Variants in CFAP46 observed in about 807,000 individuals in gnomAD.
CFAP46 encodes cilia- and flagella-associated protein 46.
CFAP46 carries 245 observed loss-of-function variants against 325.7 expected under a neutral mutation model. That is an observed-to-expected ratio of 0.75 (90% CI 0.68 to 0.84). The LOEUF (loss-of-function observed/expected upper bound fraction) is 0.84. Among genes scored for constraint, CFAP46 ranks in the 40% least tolerant of loss-of-function variants. The probability of loss-of-function intolerance (pLI) is 0.00; values close to 1 mark genes in which losing one functional copy is unlikely to be tolerated. For synonymous variants in CFAP46, 1,523 were observed against 1,495.9 expected, an observed-to-expected ratio of 1.02 and a Z score of -0.42; for missense variants, 3,346 against 3,543.0, an observed-to-expected ratio of 0.94 and a Z score of 1.41.
In CFAP46 at chr10:132,929,734, G is replaced by T. The variant is rs1458419854; in HGVS notation, c.937C>A (p.Leu313Ile). The change falls in exon 9 of 58, where the codon CTC becomes ATC. Residue 313 changes from leucine (L) to isoleucine (I), a missense_variant. Physicochemically the swap from Leu to Ile is conservative, Grantham distance 5. Coordinates refer to ENST00000368586, the MANE Select transcript of CFAP46 (RefSeq NM_001200049.3). ...CTTTCCATCTTCTTCAGGTCTGAGA[G>T]GCAGGCAGAGGAGATCTCCATGCAT... Reference protein sequence around the residue: ...LKCMEISSACLSDLKKMESKD... With the variant: ...LKCMEISSACISDLKKMESKD... 6.2e-7 allele frequency: 1 copy of T among 1,613,832 alleles called. No homozygotes were observed. Among genetic ancestry groups the T allele is most frequent in the Non-Finnish European group, 8.5e-7 (1 of 1,179,894 alleles).
rs911871805 is a variant in CFAP46 at position 132,924,808 on chromosome 10, C to T, written c.1144G>A (p.Val382Met). Residue 382 changes from valine to methionine, a missense_variant, in exon 11 of 58, where the codon GTG becomes ATG. Physicochemically the swap from Val to Met is conservative, Grantham distance 21. Coordinates refer to ENST00000368586, the MANE Select transcript of CFAP46 (RefSeq NM_001200049.3). ...VRLGDPRVIHVVCATQWNTCL... is the reference protein window; with the variant it reads ...VRLGDPRVIHMVCATQWNTCL... The stretch of plus-strand genomic sequence containing the variant: ...GTGTTCCACTGCGTGGCGCACACCA[C>T]GTGGATGACCCGGGGGTCGCCCAGG... 2.7e-5 allele frequency: 40 copies of T among 1,489,550 alleles called. No individual in the cohort carries two copies. Among genetic ancestry groups the T allele is most frequent in the Admixed American group, 9.7e-5 (4 of 41,122 alleles). The allele number at this position is 1,489,550 out of a possible 1,614,324, so 92.3% of individuals were successfully genotyped here. A position where few individuals can be genotyped will look rare whatever the true frequency, so the allele number is the denominator to read the frequency against.
At chr10:132,902,307 G>A (rs560346998) in intron 22 of CFAP46, among the ~76,000 whole-genome samples, 3 of 152,190 alleles carry the variant, frequency 2.0e-5, no homozygotes, top group Admixed American at 6.5e-5. Context: ...GGTCACAGAC[G>A]GGAAGCTCTG....
Position 132,811,095 on chromosome 10 carries a change from G to C in CFAP46, c.7502-64C>G, listed in dbSNP as rs1203781126. On this transcript the variant is annotated intron_variant, in intron 55 of 57. Coordinates refer to ENST00000368586, the MANE Select transcript of CFAP46 (RefSeq NM_001200049.3). ...GACATGGGGAGTGGGGATGGGGTGT[G>C]GGCAGGTGGGGCCTGTGCCCCAAGG... The C allele has an allele frequency of 4.3e-6, 6 of 1,391,996 alleles. No individual in the cohort carries two copies. In the East Asian group the frequency reaches 1.5e-4, roughly 35 times the overall value. 86.2% of individuals were successfully genotyped at this position (1,391,996 alleles called of 1,614,324 possible). A position where few individuals can be genotyped will look rare whatever the true frequency, so the allele number is the denominator to read the frequency against.
At position 132,828,984 on chromosome 10, in the gene CFAP46, G is replaced by A. The variant is rs181586705; in HGVS notation, c.7117+4374C>T. On this transcript the variant is annotated intron_variant, in intron 50 of 57. Coordinates refer to ENST00000368586, the MANE Select transcript of CFAP46 (RefSeq NM_001200049.3). The surrounding 1 kb of genome is among the most constrained non-coding windows in gnomAD (Gnocchi z 4.9). The stretch of plus-strand genomic sequence containing the variant: ...TGTATCAATACTGCACCCATGTGAC[G>A]GGGTCCTGACATCAGGTGGCGTGTG... Among the ~76,000 whole-genome samples, 88 of 151,826 alleles carry A rather than the reference G, an allele frequency of 5.8e-4. No homozygotes were observed. Among genetic ancestry groups the A allele is most frequent in the African/African-American group, 1.6e-3 (68 of 41,246 alleles).
chr10:132,867,301 G>A (rs1223663960), intron 34 of CFAP46, 74 bp downstream of exon 34: 16 of 1,507,644 alleles, frequency 1.1e-5, no homozygotes, highest in Non-Finnish European at 1.4e-5. Context: ...TGGCTCAGCT[G>A]CAGCCCTGCA....
At chr10:132,862,546 T>A (rs1451164409) in intron 35 of CFAP46, among the ~76,000 whole-genome samples, 1 of 151,344 alleles carries the variant, frequency 6.6e-6, no homozygotes, top group African/African-American at 2.4e-5. Context: ...ACAACAATAG[T>A]CACAACCCCC....
At position 132,919,854 on chromosome 10, in the gene CFAP46, C is replaced by T. The variant is rs752162404; in HGVS notation, c.1730+205G>A. Among the ~76,000 whole-genome samples, 9 of 152,142 alleles carry T rather than the reference C, an allele frequency of 5.9e-5. No homozygotes were observed. Among genetic ancestry groups the T allele is most frequent in the Non-Finnish European group, 1.2e-4 (8 of 68,008 alleles). ...CAGGGCAGCCGCACACCTCATAGGC[C>T]GTGGCTGTCATCACAGGCTGGGGGG... On this transcript the variant is annotated intron_variant, in intron 14 of 57. Transcript: ENST00000368586. This position sits in a 1 kb window ranked among gnomAD's most constrained non-coding sequence, Gnocchi z 9.7.
intron 55 of CFAP46, among the ~76,000 whole-genome samples, chr10:132,811,602 C>T (rs1340485133): frequency 6.6e-6 from 1 of 152,220 alleles, no homozygotes; most frequent in Non-Finnish European, 1.5e-5. Flanking sequence ...TGGGCGCTGC[C>T]CACTTCCACT....
At chr10:132,821,537 G>GT (rs1847828889) in intron 50 of CFAP46, among the ~76,000 whole-genome samples, 1 of 129,998 alleles carries the variant, frequency 7.7e-6, no homozygotes. Flanking sequence ...GATGTGTGCT[G>GT]ATGTGTGCTG....
chr10:132,885,822 G>T lies in CFAP46; in HGVS notation c.3442C>A (p.Leu1148Ile), dbSNP rs973283855. Reference sequence around the variant, plus strand: ...ACAGGCGGTGGGGGGAGCACTCACAGGCGGTGGGCCGTCCTTGGCAGCACC... The same window carrying T: ...ACAGGCGGTGGGGGGAGCACTCACATGCGGTGGGCCGTCCTTGGCAGCACC... The part of the protein sequence containing the change: ...VQVLPRTAHR[L>I]LIFKHMVIVK... Residue 1148 changes from leucine (L) to isoleucine (I), a missense_variant and splice_region_variant, in exon 26 of 58, where the codon CTC becomes ATC. By Grantham distance (5) the Leu-to-Ile change is conservative. Transcript: ENST00000368586. The T allele has an allele frequency of 1.2e-5, 18 of 1,512,354 alleles. No homozygotes were observed. Among genetic ancestry groups the T allele is most frequent in the Non-Finnish European group, 1.5e-5 (17 of 1,125,002 alleles). The allele number at this position is 1,512,354 out of a possible 1,614,324, so 93.7% of individuals were successfully genotyped here.
At chr10:132,882,876 G>T (rs1849069736) in intron 27 of CFAP46, among the ~76,000 whole-genome samples, 1 of 152,096 alleles carries the variant, frequency 6.6e-6, no homozygotes, top group South Asian at 2.1e-4. Context: ...GAGGGCCTTG[G>T]CCCTGATGGG....
chr10:132,866,187 G>T lies in CFAP46; in HGVS notation c.4744-16C>A. On this transcript the variant is annotated splice_polypyrimidine_tract_variant and intron_variant, in intron 34 of 57. Coordinates refer to ENST00000368586, the MANE Select transcript of CFAP46 (RefSeq NM_001200049.3). ...TCTTCAAAATCTGTAAGATACCGCAGCCCCAGGCGGCACGATCCTGACACT... is the reference window on the plus strand; with the variant it reads ...TCTTCAAAATCTGTAAGATACCGCATCCCCAGGCGGCACGATCCTGACACT... 6.7e-7 allele frequency: 1 copy of T among 1,499,308 alleles called. No homozygotes were observed. The highest frequency in any genetic ancestry group is 8.9e-7 in the Non-Finnish European group (1 of 1,120,300). 92.9% of individuals were successfully genotyped at this position (1,499,308 alleles called of 1,614,324 possible).
chr10:132,862,285 G>T (rs1387335637), intron 35 of CFAP46, among the ~76,000 whole-genome samples: 1 of 152,212 alleles, frequency 6.6e-6, no homozygotes, highest in African/African-American at 2.4e-5. Flanking sequence ...ACGGGGCCGG[G>T]CCCCTGCGGG....
At chr10:132,892,691 C>A (rs1037673717) in intron 24 of CFAP46, among the ~76,000 whole-genome samples, 1 of 152,188 alleles carries the variant, frequency 6.6e-6, no homozygotes. Flanking sequence ...CCTTTAAAAA[C>A]CCACTTGGAA....
chr10:132,899,150 G>A, intron 23 of CFAP46, 29 bp from the exon 24 acceptor site: 1 of 1,536,704 alleles, frequency 6.5e-7, no homozygotes, highest in Non-Finnish European at 8.8e-7. Context: ...TGACGCGGTG[G>A]CTCCACCTGG....
intron 50 of CFAP46, among the ~76,000 whole-genome samples, chr10:132,823,187 T>TGC (rs1847925941): frequency 9.0e-6 from 1 of 110,516 alleles, no homozygotes; most frequent in Admixed American, 1.0e-4. Flanking sequence ...GTGCGCTGTG[T>TGC]GCTGATGTGT....
intron 40 of CFAP46, among the ~76,000 whole-genome samples, chr10:132,850,683 T>C (rs1039306366): frequency 2.6e-5 from 4 of 152,232 alleles, no homozygotes; most frequent in African/African-American, 4.8e-5. Flanking sequence ...TTTATACTTA[T>C]GTAAATTAAT....
intron 5 of CFAP46, 110 bp downstream of exon 5, chr10:132,938,479 T>C (rs1051945067): frequency 1.9e-6 from 2 of 1,045,612 alleles, no homozygotes; most frequent in Admixed American, 2.1e-5. Context: ...ACATGGAGTG[T>C]GCCCCAGTGA....
chr10:132,837,361 GCAGA>G (rs1450905859), intron 44 of CFAP46, among the ~76,000 whole-genome samples: 1 of 151,884 alleles, frequency 6.6e-6, no homozygotes, highest in Non-Finnish European at 1.5e-5. Flanking sequence ...ACGCACTCAC[GCAGA>G]CAGGCACGGA....
Sources: allele counts gnomAD v4.1 joint callset (sites outside exome capture counted in the v4.1 genomes callset), GRCh38; gene constraint gnomAD v4.1.1; non-coding constraint Gnocchi (gnomAD v3.1); transcripts MANE v1.5; gene names NCBI Gene and HGNC (gene_info 2026-07-23, HGNC 2026-07-21).